Variants in VPS13D observed in about 807,000 individuals in gnomAD.
The protein encoded by VPS13D is intermembrane lipid transfer protein VPS13D.
Under a neutral mutation model 461.9 loss-of-function variants are expected in VPS13D, and 187 were observed. The ratio of observed to expected loss-of-function variants is 0.40; its 90% confidence interval spans 0.36 to 0.46. VPS13D has a LOEUF of 0.46. VPS13D is among the 20% of genes least tolerant of loss of function. The pLI is 0.60. For missense variants in VPS13D, 4,711 were observed against 5,364.9 expected (o/e 0.88, Z 3.81); for synonymous variants, 1,951 against 1,986.3 (o/e 0.98, Z 0.47).
Position 12,283,504 on chromosome 1 carries a change from C to T in VPS13D, c.5402C>T (p.Ser1801Phe). 2 of 1,614,222 alleles carry T rather than the reference C, an allele frequency of 1.2e-6. No homozygotes were observed. Among genetic ancestry groups the T allele is most frequent in the Non-Finnish European group, 1.7e-6 (2 of 1,180,036 alleles). Reference sequence around the variant, plus strand: ...GATAAGAAACATCCAGAATTCTCTTCCAGTTACAATCGAGTTAACCGGAGC... The same window carrying T: ...GATAAGAAACATCCAGAATTCTCTTTCAGTTACAATCGAGTTAACCGGAGC... ...LVDKKHPEFS[S>F]SYNRVNRSID... Residue 1801 changes from serine (S) to phenylalanine (F), a missense_variant, in exon 21 of 70, where the codon TCC (serine) becomes TTC (phenylalanine). Around this residue, in one of 3 missense-constraint regions of VPS13D, gnomAD observed 4,411 missense variants for 4,937.8 expected, o/e 0.89. Coordinates refer to ENST00000620676, the MANE Select transcript of VPS13D (RefSeq NM_015378.4).
intron 1 of VPS13D, 53 bp from the exon 2 acceptor site, chr1:12,234,138 G>A: frequency 1.5e-6 from 1 of 666,718 alleles, no homozygotes; most frequent in Non-Finnish European, 2.6e-6. Flanking sequence ...GAGGAAATTG[G>A]CTTAGAAAAT....
chr1:12,266,870 A>G lies in VPS13D; in HGVS notation c.1595-11A>G, dbSNP rs1482881056. 5.8e-6 allele frequency: 9 copies of G among 1,554,934 alleles called. No individual in the cohort carries two copies. The highest frequency in any genetic ancestry group is 7.8e-6 in the Non-Finnish European group (9 of 1,152,792). ...AAGCATTGTATCAACTATTTTATTT[A>G]TCTTTTATAGATGTAAAACTTCTAG... On this transcript the variant is annotated splice_polypyrimidine_tract_variant and intron_variant, in intron 13 of 69. Coordinates refer to ENST00000620676, the MANE Select transcript of VPS13D (RefSeq NM_015378.4).
At chr1:12,409,987 A>G (rs571042235) in intron 63 of VPS13D, 2 of 447,542 alleles carry the variant, frequency 4.5e-6, no homozygotes, top group East Asian at 1.4e-4. Flanking sequence ...AGCAGAAAGC[A>G]GCTGCCAACA....
Position 12,507,092 on chromosome 1 carries a change from T to C in VPS13D, c.13034T>C (p.Met4345Thr), listed in dbSNP as rs1646120299. The change falls in exon 69 of 70, where the codon ATG (methionine) becomes ACG (threonine). Residue 4345 changes from methionine to threonine, a missense_variant and splice_region_variant. Coordinates refer to ENST00000620676, the MANE Select transcript of VPS13D (RefSeq NM_015378.4). This position sits in a 1 kb window ranked among gnomAD's most constrained non-coding sequence, Gnocchi z 5.3. ...CCCGGCCCCTCCCACCAGAAGCCCATGGTGAGTGCCTGGCTGTTCTCAGGC... is the reference window on the plus strand; with the variant it reads ...CCCGGCCCCTCCCACCAGAAGCCCACGGTGAGTGCCTGGCTGTTCTCAGGC... ...SIPGPSHQKP[M>T]VHVKSEVLAV... 6.2e-7 allele frequency: 1 copy of C among 1,614,008 alleles called. No homozygotes were observed. The highest frequency in any genetic ancestry group is 8.5e-7 in the Non-Finnish European group (1 of 1,180,010).
chr1:12,316,654 TGAG>T lies in VPS13D; in HGVS notation c.7149-1414_7149-1412del, dbSNP rs1642893869. Among the ~76,000 whole-genome samples the T allele has an allele frequency of 3.9e-5, 6 of 152,252 alleles. No homozygotes were observed. In the South Asian group the frequency reaches 1.2e-3, roughly 32 times the overall value. On this transcript the variant is annotated intron_variant, in intron 30 of 69. Coordinates refer to ENST00000620676, the MANE Select transcript of VPS13D (RefSeq NM_015378.4). Reference sequence around the variant, plus strand: ...GGCAGTGAGCCAGGTTTAGGGGAAATGAGGAGCAGAGAAACCAGCCTCAGAAAT... The same window carrying T: ...GGCAGTGAGCCAGGTTTAGGGGAAATGAGCAGAGAAACCAGCCTCAGAAAT...
intron 21 of VPS13D, among the ~76,000 whole-genome samples, chr1:12,284,332 C>T (rs1641900543): frequency 6.6e-6 from 1 of 152,174 alleles, no homozygotes; most frequent in Non-Finnish European, 1.5e-5. Flanking sequence ...GTGCCCCCAT[C>T]ATAGGGTTGT....
chr1:12,422,516 T>C (rs1430659524), intron 65 of VPS13D, among the ~76,000 whole-genome samples: 1 of 152,254 alleles, frequency 6.6e-6, no homozygotes. Context: ...CATTGTTTCA[T>C]TGTCTTAAAT....
intron 10 of VPS13D, among the ~76,000 whole-genome samples, chr1:12,258,986 A>G (rs113927106): frequency 2.0e-5 from 3 of 151,964 alleles, no homozygotes; most frequent in African/African-American, 7.3e-5. Context: ...CAGGAACCTT[A>G]TGAGAAGGAT....
At chr1:12,338,381 A>T in intron 40 of VPS13D, 76 bp downstream of exon 40, 1 of 1,382,850 alleles carries the variant, frequency 7.2e-7, no homozygotes, top group Non-Finnish European at 1.0e-6. Context: ...TTTTTTTTTA[A>T]TGAGTGGGAG....
At position 12,334,975 on chromosome 1, in the gene VPS13D, A is replaced by G. The variant is rs113468406; in HGVS notation, c.8429-730A>G. ...ACCAATAATTCTTCTTCCAAAAAGT[A>G]TAACATCTTAATTAGTATAAAAGAT... On this transcript the variant is annotated intron_variant, in intron 38 of 69. Transcript: ENST00000620676. Among the ~76,000 whole-genome samples the G allele has an allele frequency of 3.9e-3, 596 of 152,368 alleles. 1 individual carries two copies. The highest frequency in any genetic ancestry group is 6.7e-3 in the Non-Finnish European group (459 of 68,036).
At chr1:12,341,963 G>A (rs896342798) in intron 41 of VPS13D, 78 bp downstream of exon 41, 13 of 1,377,162 alleles carry the variant, frequency 9.4e-6, no homozygotes, top group Non-Finnish European at 1.3e-5. Context: ...GAGCAAGGTG[G>A]GCCCCCTCTT....
At position 12,498,801 on chromosome 1, in the gene VPS13D, CAG is replaced by C. The variant is rs964229534; in HGVS notation, c.12794+1179_12794+1180del. ...CTCTTCTCACTGTGTCCCCACATTGCAGAGAGAGAGGGGGAGCTCTCTGGTGT... is the reference window on the plus strand; with the variant it reads ...CTCTTCTCACTGTGTCCCCACATTGCAGAGAGAGGGGGAGCTCTCTGGTGT... On this transcript the variant is annotated intron_variant, in intron 68 of 69. Coordinates refer to ENST00000620676, the MANE Select transcript of VPS13D (RefSeq NM_015378.4). 5.3e-5 allele frequency among the ~76,000 whole-genome samples: 8 copies of C among 152,210 alleles called. No homozygotes were observed. The South Asian group carries it at 1.0e-3, about 20-fold the overall frequency.
At chr1:12,275,725 C>A in intron 18 of VPS13D, 100 bp from the exon 19 acceptor site, 1 of 1,227,322 alleles carries the variant, frequency 8.1e-7, no homozygotes. Context: ...CTTAAACAAA[C>A]TGGGGTTGGT....
chr1:12,233,117 T>G (rs1477672376), intron 1 of VPS13D, among the ~76,000 whole-genome samples: 1 of 152,076 alleles, frequency 6.6e-6, no homozygotes. Context: ...GGGATTCTCC[T>G]GCCTCAGCCT....
At position 12,311,531 on chromosome 1, in the gene VPS13D, A is replaced by G; in HGVS notation, c.6728A>G (p.Lys2243Arg). The G allele has an allele frequency of 2.5e-6, 4 of 1,614,160 alleles. No individual in the cohort carries two copies. In the South Asian group the frequency reaches 3.3e-5, roughly 13 times the overall value. ...SSVHCSLDLY[K>R]YKLIRGLLEN... is the part of the protein sequence containing the mutation. ...GTCCACTGCTCTCTGGATCTGTATA[A>G]ATACAAGCTGATCCGCGGCTTATTA... The change falls in exon 28 of 70, where the codon AAA becomes AGA. Residue 2243 changes from lysine (K) to arginine (R), a missense_variant. Transcript: ENST00000620676.
rs138548939 is a variant in VPS13D, at chr1:12,311,376, C to G, written c.6651-78C>G. The stretch of plus-strand genomic sequence containing the variant: ...ATAATGTAGGTGAGTACATTTTAGC[C>G]CCGTTGTTTGGGCGTGAGCTATGTC... On this transcript the variant is annotated intron_variant, in intron 27 of 69. Coordinates refer to ENST00000620676, the MANE Select transcript of VPS13D (RefSeq NM_015378.4). The G allele has an allele frequency of 6.7e-4, 924 of 1,386,678 alleles. 14 individuals carry two copies. The East Asian group carries it at 0.019, about 28-fold the overall frequency. 85.9% of individuals were successfully genotyped at this position (1,386,678 alleles called of 1,614,324 possible). A position where few individuals can be genotyped will look rare whatever the true frequency, so the allele number is the denominator to read the frequency against.
rs1339782341 is a variant in VPS13D at position 12,431,295 on chromosome 1, A to G, written c.12333+14468A>G. On this transcript the variant is annotated intron_variant, in intron 65 of 69. Coordinates refer to ENST00000620676, the MANE Select transcript of VPS13D (RefSeq NM_015378.4). ...ATGCAGACTCTTAACACAATCGCTG[A>G]TATTCAGTAGAAACTCTTTGGATAG... Among the ~76,000 whole-genome samples, 3 of 152,116 alleles carry G rather than the reference A, an allele frequency of 2.0e-5. No homozygotes were observed. In the East Asian group the frequency reaches 5.8e-4, roughly 29 times the overall value.
chr1:12,393,114 A>G (rs574757618), intron 60 of VPS13D, among the ~76,000 whole-genome samples: 1 of 152,248 alleles, frequency 6.6e-6, no homozygotes, highest in African/African-American at 2.4e-5. Context: ...TTGCTGAGGT[A>G]GAAGTTCCCT....
intron 66 of VPS13D, among the ~76,000 whole-genome samples, chr1:12,458,565 T>G (rs1286415751): frequency 6.6e-6 from 1 of 151,464 alleles, no homozygotes; most frequent in East Asian, 1.9e-4. Flanking sequence ...ACACCCTGTT[T>G]CTAAAAAAAA....
Sources: allele counts gnomAD v4.1 joint callset (sites outside exome capture counted in the v4.1 genomes callset), GRCh38; gene constraint gnomAD v4.1.1; regional missense constraint gnomAD v4.1.1; non-coding constraint Gnocchi (gnomAD v3.1); transcripts MANE v1.5; gene names NCBI Gene and HGNC (gene_info 2026-07-23, HGNC 2026-07-21).